The following WDPCP variants were observed in gnomAD, a reference collection of about 807,000 sequenced individuals.
The protein encoded by WDPCP is WD repeat-containing and planar cell polarity effector protein fritz homolog.
WDPCP carries 71 observed loss-of-function variants against 93.1 expected under a neutral mutation model. The ratio of observed to expected loss-of-function variants is 0.76; its 90% CI spans 0.63 to 0.93. The LOEUF is 0.93. Among genes scored for constraint, WDPCP ranks in the 40% least tolerant of loss-of-function variants. WDPCP has a pLI of 0.00. For missense variants in WDPCP, 844 were observed against 887.4 expected (o/e 0.95, Z 0.62); for synonymous variants, 315 against 315.0 (o/e 1.00, Z 0.00).
chr2:63,808,469 A>G lies in WDPCP; in HGVS notation n.308+5153T>C, dbSNP rs1056019556. Among the ~76,000 whole-genome samples the G allele has an allele frequency of 5.4e-4, 82 of 151,948 alleles. 1 individual carries two copies. Among genetic ancestry groups the G allele is most frequent in the African/African-American group, 1.8e-3 (76 of 41,376 alleles). On this transcript the variant is annotated intron_variant and non_coding_transcript_variant, in intron 2 of 4. Coordinates refer to the WDPCP transcript ENST00000467687. ...TGATTCTCCTGCCTCAGCCTGCCGA[A>G]TGCCTGCGATTGCGGGCACGCGCTG... is the stretch of plus-strand genomic sequence containing the variant.
chr2:63,819,535 G>A (rs1418522926), intron 1 of WDPCP, among the ~76,000 whole-genome samples: 3 of 152,196 alleles, frequency 2.0e-5, no homozygotes, highest in Non-Finnish European at 4.4e-5. Context: ...TGGAGGACTT[G>A]TATTAAAATA....
At chr2:63,662,076 CT>C (rs1247337787) in intron 2 of WDPCP, among the ~76,000 whole-genome samples, 1 of 152,098 alleles carries the variant, frequency 6.6e-6, no homozygotes, top group East Asian at 1.9e-4. Context: ...ATAATCTAAT[CT>C]TTTCATGTTA....
intron 14 of WDPCP, among the ~76,000 whole-genome samples, chr2:63,203,220 G>A (rs1676060339): frequency 6.6e-6 from 1 of 152,060 alleles, no homozygotes; most frequent in Non-Finnish European, 1.5e-5. Context: ...CAGAGTATAT[G>A]AGATGTTCTG....
intron 3 of WDPCP, among the ~76,000 whole-genome samples, chr2:63,640,393 C>T (rs1434999400): frequency 6.6e-6 from 1 of 152,186 alleles, no homozygotes; most frequent in East Asian, 1.9e-4. Flanking sequence ...ATTCAGGTGG[C>T]AGTGGCAGGA....
intron 2 of WDPCP, among the ~76,000 whole-genome samples, chr2:63,786,421 T>C (rs1482983798): frequency 6.6e-6 from 1 of 152,190 alleles, no homozygotes; most frequent in East Asian, 1.9e-4. Context: ...CTATGCAGTT[T>C]GGAAGAGAGC....
chr2:63,754,465 C>T (rs1242531996), intron 2 of WDPCP, among the ~76,000 whole-genome samples: 1 of 152,160 alleles, frequency 6.6e-6, no homozygotes, highest in Non-Finnish European at 1.5e-5. Flanking sequence ...GTTTGAAGAA[C>T]TATGCCAATA....
At chr2:63,552,518 C>T (rs1705755779) in intron 1 of WDPCP, among the ~76,000 whole-genome samples, 2 of 152,116 alleles carry the variant, frequency 1.3e-5, no homozygotes, top group African/African-American at 4.8e-5. Context: ...AACACAGTAT[C>T]TCCTCTTTTT....
At chr2:63,608,008 T>C (rs1709572415) in intron 3 of WDPCP, among the ~76,000 whole-genome samples, 1 of 152,128 alleles carries the variant, frequency 6.6e-6, no homozygotes, top group Non-Finnish European at 1.5e-5. Context: ...AATGAATCAG[T>C]CTATTTCAGC....
At chr2:63,627,486 G>C (rs1709822139) in intron 3 of WDPCP, among the ~76,000 whole-genome samples, 2 of 152,320 alleles carry the variant, frequency 1.3e-5, no homozygotes, top group South Asian at 4.1e-4. Context: ...GTGAGAACAT[G>C]CATTCCCGTT....
chr2:63,560,226 G>GAAAAT (rs1026949761), intron 1 of WDPCP, among the ~76,000 whole-genome samples: 12 of 151,718 alleles, frequency 7.9e-5, no homozygotes, highest in South Asian at 2.1e-4. Context: ...TCCGTCGCAA[G>GAAAAT]AAAATAAAAT....
chr2:63,207,116 T>C (rs889177443), intron 14 of WDPCP, among the ~76,000 whole-genome samples: 4 of 152,204 alleles, frequency 2.6e-5, no homozygotes, highest in African/African-American at 9.7e-5. Context: ...TAGTTTTAAA[T>C]GTAGATGTAT....
At chr2:63,402,370 G>A (rs1328241290) in intron 10 of WDPCP, among the ~76,000 whole-genome samples, 1 of 151,928 alleles carries the variant, frequency 6.6e-6, no homozygotes, top group African/African-American at 2.4e-5. Flanking sequence ...ATGCATGCAG[G>A]GCTTAAAACC....
At chr2:63,821,493 A>C (rs1377225195) in intron 1 of WDPCP, among the ~76,000 whole-genome samples, 1 of 152,180 alleles carries the variant, frequency 6.6e-6, no homozygotes, top group Non-Finnish European at 1.5e-5. Flanking sequence ...AGATAGTGAA[A>C]GGTTCTTTTT....
At position 63,568,480 on chromosome 2, in the gene WDPCP, A is replaced by T. The variant is rs1707242179; in HGVS notation, c.75+19717T>A. On this transcript the variant is annotated intron_variant, in intron 1 of 17. Coordinates refer to ENST00000272321, the MANE Select transcript of WDPCP (RefSeq NM_015910.7). ...ACGCTTGTTTCCCACTGCCGTAAAG[A>T]AATAGCACTTGAACATAAATTTAAT... is the stretch of plus-strand genomic sequence containing the variant. Among the ~76,000 whole-genome samples the T allele has an allele frequency of 2.0e-5, 3 of 152,214 alleles. No homozygotes were observed. The South Asian group carries it at 6.2e-4, about 32-fold the overall frequency.
Position 63,407,874 on chromosome 2 carries a change from G to A in WDPCP, c.826-3217C>T, listed in dbSNP as rs566304120. Among the ~76,000 whole-genome samples the A allele has an allele frequency of 2.0e-5, 3 of 152,290 alleles. No individual in the cohort carries two copies. In the South Asian group the frequency reaches 6.2e-4, roughly 32 times the overall value. On this transcript the variant is annotated intron_variant, in intron 9 of 17. Transcript: ENST00000272321. The stretch of plus-strand genomic sequence containing the variant: ...AAAGGAAGCCTTAGGGCAGATGATT[G>A]AGAGGCCAGGTCATGTCGAGTAGAG...
chr2:63,445,487 A>G (rs1697794413), intron 6 of WDPCP, among the ~76,000 whole-genome samples: 2 of 152,222 alleles, frequency 1.3e-5, no homozygotes, highest in Non-Finnish European at 2.9e-5. Context: ...TCCCTAATGT[A>G]ACTTTAAAAT....
chr2:63,325,604 C>G (rs1687472793), intron 12 of WDPCP, among the ~76,000 whole-genome samples: 1 of 152,206 alleles, frequency 6.6e-6, no homozygotes, highest in Non-Finnish European at 1.5e-5. Context: ...CCTGGGACAG[C>G]CTGTAACCAG....
At chr2:63,542,216 C>T (rs1704795984) in intron 1 of WDPCP, among the ~76,000 whole-genome samples, 1 of 152,078 alleles carries the variant, frequency 6.6e-6, no homozygotes, top group Non-Finnish European at 1.5e-5. Flanking sequence ...ATACTGCATT[C>T]AATAATACAG....
At chr2:63,536,543 A>C (rs955235065) in intron 1 of WDPCP, among the ~76,000 whole-genome samples, 1 of 152,176 alleles carries the variant, frequency 6.6e-6, no homozygotes, top group African/African-American at 2.4e-5. Flanking sequence ...AAAAAGGATG[A>C]GGTCATGTCC....
Sources: gnomAD v4.1 joint callset for allele counts (sites outside exome capture counted in the v4.1 genomes callset) on GRCh38, gnomAD v4.1.1 for gene constraint, MANE v1.5 for transcripts, NCBI Gene and HGNC (gene_info 2026-07-23, HGNC 2026-07-21) for gene names.